The following GMPS variants were observed in gnomAD, a reference collection of about 807,000 sequenced individuals.
GMPS encodes GMP synthase [glutamine-hydrolyzing].
In GMPS, 15 loss-of-function variants were observed where a neutral mutation model predicts 77.9. That is an observed-to-expected ratio of 0.19 (90% CI 0.13 to 0.30). The LOEUF (loss-of-function observed/expected upper bound fraction) is 0.30. Among genes scored for constraint, GMPS ranks in the 10% least tolerant of loss-of-function variants. The pLI is 1.00. For synonymous variants in GMPS, 224 were observed against 275.9 expected, an observed-to-expected ratio of 0.81 and a Z score of 1.86; for missense variants, 590 against 838.8, an observed-to-expected ratio of 0.70 and a Z score of 3.66.
At chr3:155,892,064 G>A (rs1320501182) in intron 1 of GMPS, among the ~76,000 whole-genome samples, 4 of 151,934 alleles carry the variant, frequency 2.6e-5, no homozygotes, top group Non-Finnish European at 5.9e-5. Flanking sequence ...ACAACTAGAG[G>A]GAGAAAACCT....
At position 155,891,851 on chromosome 3, in the gene GMPS, C is replaced by T. The variant is rs182855349; in HGVS notation, c.28-1667C>T. 6.9e-3 allele frequency among the ~76,000 whole-genome samples: 1,043 copies of T among 152,176 alleles called. 19 individuals are homozygous for T. Among genetic ancestry groups the T allele is most frequent in the South Asian group, 7.1e-3 (34 of 4,814 alleles). Reference sequence around the variant, plus strand: ...GAACTCCTGACCTCAGGTGATCCACCTGCCTCGGCCTCCCAAAGTGCTGCG... The same window carrying T: ...GAACTCCTGACCTCAGGTGATCCACTTGCCTCGGCCTCCCAAAGTGCTGCG... On this transcript the variant is annotated intron_variant, in intron 1 of 15. Transcript: ENST00000496455.
At chr3:155,880,169 G>A (rs1461655672) in intron 1 of GMPS, among the ~76,000 whole-genome samples, 1 of 152,070 alleles carries the variant, frequency 6.6e-6, no homozygotes, top group Non-Finnish European at 1.5e-5. Flanking sequence ...ACAAAGATTT[G>A]TGTAATTACC....
intron 8 of GMPS, 145 bp downstream of exon 8, chr3:155,914,715 C>A: frequency 4.0e-6 from 2 of 504,436 alleles, no homozygotes; most frequent in South Asian, 7.5e-5. Flanking sequence ...TGTATATTGT[C>A]ATTATATTGA....
chr3:155,922,893 G>A (rs561955829), intron 11 of GMPS, among the ~76,000 whole-genome samples: 2 of 152,238 alleles, frequency 1.3e-5, no homozygotes, highest in South Asian at 4.1e-4. Context: ...AGTGGATCTG[G>A]GTTGGTAGTG....
intron 2 of GMPS, among the ~76,000 whole-genome samples, chr3:155,894,439 G>T (rs966436378): frequency 5.9e-5 from 9 of 152,102 alleles, no homozygotes; most frequent in African/African-American, 2.2e-4. Context: ...GTCCAGGCTG[G>T]TCTCGAACTC....
Position 155,925,338 on chromosome 3 carries a change from T to TG in GMPS, c.1533dup (p.Leu512AlafsTer4), listed in dbSNP as rs766474655. On this transcript the variant is annotated frameshift_variant, in exon 12 of 16. Coordinates refer to ENST00000496455, the MANE Select transcript of GMPS (RefSeq NM_003875.3). LOFTEE classifies it high-confidence loss of function. ...AGTCTGCATTCACTGAATGCCTTCT[T>TG]GCTGCCAATTAAAACTGTAGGTGTG... 6.2e-7 allele frequency: 1 copy of TG among 1,610,482 alleles called. No individual in the cohort carries two copies. The highest frequency in any genetic ancestry group is 1.3e-5 in the African/African-American group (1 of 74,814).
chr3:155,908,861 A>G (rs1754961347), intron 5 of GMPS, among the ~76,000 whole-genome samples: 1 of 152,214 alleles, frequency 6.6e-6, no homozygotes, highest in East Asian at 1.9e-4. Context: ...GGCTGGAGGT[A>G]TAAATTTGGG....
At chr3:155,915,636 G>T (rs991074736) in intron 8 of GMPS, among the ~76,000 whole-genome samples, 1 of 151,990 alleles carries the variant, frequency 6.6e-6, no homozygotes, top group East Asian at 1.9e-4. Flanking sequence ...TCCTGACCTT[G>T]TGATCTGCCT....
intron 5 of GMPS, among the ~76,000 whole-genome samples, chr3:155,907,898 C>T (rs904913367): frequency 6.6e-6 from 1 of 152,066 alleles, no homozygotes; most frequent in African/African-American, 2.4e-5. Context: ...ATTTGAGGAG[C>T]AGCAGGAATC....
chr3:155,886,169 A>C (rs1754329703), intron 1 of GMPS, among the ~76,000 whole-genome samples: 1 of 152,052 alleles, frequency 6.6e-6, no homozygotes, highest in African/African-American at 2.4e-5. Context: ...AAGGGATTGC[A>C]CTTGTCCATT....
At chr3:155,937,544 T>C (rs1279767321) in intron 15 of GMPS, 47 bp from the exon 16 acceptor site, 1 of 820,240 alleles carries the variant, frequency 1.2e-6, no homozygotes, top group Non-Finnish European at 2.2e-6. Flanking sequence ...CTAGGACTGC[T>C]GGACATGCAG....
Position 155,925,361 on chromosome 3 carries a change from G to T in GMPS, c.1555G>T (p.Val519Leu). ...CTTGCTGCCAATTAAAACTGTAGGT[G>T]TGCAGGTGAGTTGTGTGAATTCATT... ...AFLLPIKTVGVQGDCRSYSYV... is the reference protein window; with the variant it reads ...AFLLPIKTVGLQGDCRSYSYV... The change falls in exon 12 of 16, where the codon GTG becomes TTG. Residue 519 changes from valine to leucine, a missense_variant. Val to Leu is a conservative substitution (Grantham distance 32). Transcript: ENST00000496455. 6.2e-7 allele frequency: 1 copy of T among 1,601,708 alleles called. No individual in the cohort carries two copies. The highest frequency in any genetic ancestry group is 8.5e-7 in the Non-Finnish European group (1 of 1,174,198).
Position 155,896,197 on chromosome 3 carries a change from G to A in GMPS, c.210-1730G>A, listed in dbSNP as rs12491896. ...GCTAATTTTTTGTATTTTTAGTAGA[G>A]ACAGGGTTTTGCCATGTTAGCCAGG... is the stretch of plus-strand genomic sequence containing the variant. On this transcript the variant is annotated intron_variant, in intron 2 of 15. Coordinates refer to ENST00000496455, the MANE Select transcript of GMPS (RefSeq NM_003875.3). Among the ~76,000 whole-genome samples, 498 of 152,100 alleles carry A rather than the reference G, an allele frequency of 3.3e-3. 9 individuals carry two copies. The East Asian group carries it at 0.046, about 14-fold the overall frequency.
chr3:155,943,478 A>G lies in GMPS; in HGVS notation c.*5786A>G, dbSNP rs1392208578. 5.6e-6 allele frequency: 1 copy of G among 179,036 alleles called. No individual in the cohort carries two copies. The highest frequency in any genetic ancestry group is 1.2e-5 in the Non-Finnish European group (1 of 83,508). 11.1% of individuals were successfully genotyped at this position (179,036 alleles called of 1,614,324 possible). A position where few individuals can be genotyped will look rare whatever the true frequency, so the allele number is the denominator to read the frequency against. On this transcript the variant is annotated 3_prime_UTR_variant, in exon 16 of 16. Transcript: ENST00000496455. ...GTAGTTTTTCGTCTTTGCATCTCCT[A>G]AGACCATTGTTAACAACCTTGATAT...
chr3:155,896,218 C>T (rs1397560753), intron 2 of GMPS, among the ~76,000 whole-genome samples: 5 of 151,968 alleles, frequency 3.3e-5, no homozygotes, highest in Non-Finnish European at 7.4e-5. Flanking sequence ...GCCATGTTAG[C>T]CAGGATGGTC....
intron 3 of GMPS, 82 bp downstream of exon 3, chr3:155,898,123 T>A: frequency 1.3e-6 from 1 of 760,548 alleles, no homozygotes; most frequent in Non-Finnish European, 2.4e-6. Context: ...TTTCTCTCTT[T>A]AGGATATTTA....
At chr3:155,910,568 C>CAAAAA (rs772197752) in intron 5 of GMPS, 124 bp from the exon 6 acceptor site, 7 of 266,582 alleles carry the variant, frequency 2.6e-5, no homozygotes, top group Admixed American at 8.3e-5. Flanking sequence ...GACTCTGTCT[C>CAAAAA]AAAAAAAAAA....
chr3:155,886,031 G>C (rs1754325871), intron 1 of GMPS, among the ~76,000 whole-genome samples: 1 of 151,976 alleles, frequency 6.6e-6, no homozygotes, highest in Non-Finnish European at 1.5e-5. Context: ...ACGTTGCCCA[G>C]GCTGGTCTCA....
At chr3:155,870,995 A>G in intron 1 of GMPS, 98 bp downstream of exon 1, 8 of 1,145,888 alleles carry the variant, frequency 7.0e-6, no homozygotes, top group Non-Finnish European at 9.2e-6. Flanking sequence ...CCCTTCCCCC[A>G]GCCCGTCCGC....
Sources: gnomAD v4.1 joint callset for allele counts (sites outside exome capture counted in the v4.1 genomes callset) on GRCh38, gnomAD v4.1.1 for gene constraint, MANE v1.5 for transcripts, NCBI Gene and HGNC (gene_info 2026-07-23, HGNC 2026-07-21) for gene names.